Variants in SUMF1 observed in about 807,000 individuals in gnomAD.
The protein encoded by SUMF1 is sulfatase modifying factor 1.
Under a neutral mutation model 47.6 loss-of-function variants are expected in SUMF1, and 48 were observed. The observed-to-expected ratio is 1.01, with a 90% CI of 0.80 to 1.28. SUMF1 has a LOEUF of 1.28. Among genes scored for constraint, SUMF1 ranks in the 50% most tolerant of loss-of-function variants. SUMF1 has a pLI of 0.00. For missense variants in SUMF1, 571 were observed against 485.4 expected, an observed-to-expected ratio of 1.18 and a Z score of -1.66; for synonymous variants, 230 against 192.1, an observed-to-expected ratio of 1.20 and a Z score of -1.63.
At chr3:4,381,653 C>A (rs917919130) in intron 7 of SUMF1, among the ~76,000 whole-genome samples, 18 of 152,252 alleles carry the variant, frequency 1.2e-4, no homozygotes, top group Non-Finnish European at 5.9e-5. Context: ...CTTCCTCACA[C>A]AAACTATGCC....
chr3:4,089,208 G>T (rs1026723154), intron 8 of SUMF1, among the ~76,000 whole-genome samples: 13 of 152,082 alleles, frequency 8.5e-5, no homozygotes, highest in African/African-American at 2.7e-4. Flanking sequence ...CATGGTGTTT[G>T]CATAGGGGTG....
chr3:4,290,328 T>C (rs990776909), intron 8 of SUMF1, among the ~76,000 whole-genome samples: 4 of 149,980 alleles, frequency 2.7e-5, no homozygotes, highest in Non-Finnish European at 5.9e-5. Flanking sequence ...TTTATCTGAA[T>C]TTTCTCATCA....
intron 1 of SUMF1, among the ~76,000 whole-genome samples, chr3:4,465,457 G>T (rs1296115854): frequency 6.6e-6 from 1 of 150,850 alleles, no homozygotes; most frequent in Non-Finnish European, 1.5e-5. Context: ...CCAGCCTGGT[G>T]ACAGAGCGAG....
At chr3:4,250,176 C>A (rs1279144071) in intron 8 of SUMF1, among the ~76,000 whole-genome samples, 1 of 144,526 alleles carries the variant, frequency 6.9e-6, no homozygotes, top group East Asian at 2.1e-4. Context: ...AGACAAGAAA[C>A]GGAGGGGGAA....
intron 8 of SUMF1, among the ~76,000 whole-genome samples, chr3:4,228,412 G>T (rs1428691800): frequency 6.6e-6 from 1 of 151,898 alleles, no homozygotes; most frequent in Non-Finnish European, 1.5e-5. Flanking sequence ...CACATCCTCT[G>T]GTAGCAGATG....
At chr3:4,317,464 C>CGAGGTCAGGAGA in intron 8 of SUMF1, 1 of 485,852 alleles carries the variant, frequency 2.1e-6, no homozygotes, top group East Asian at 3.6e-5. Flanking sequence ...GGGCAGATCA[C>CGAGGTCAGGAGA]TTGAGTCCAA....
intron 3 of SUMF1, among the ~76,000 whole-genome samples, chr3:4,424,539 A>G (rs1559291482): frequency 6.6e-6 from 1 of 152,206 alleles, no homozygotes; most frequent in Non-Finnish European, 1.5e-5. Context: ...TAAGACCTGA[A>G]GCAAGTATGC....
intron 1 of SUMF1, among the ~76,000 whole-genome samples, chr3:4,464,412 T>C: frequency 6.6e-6 from 1 of 150,622 alleles, no homozygotes; most frequent in East Asian, 2.0e-4. Context: ...CTGTGTGTGT[T>C]TGTGTGTGTG....
At chr3:4,465,776 G>A (rs568958486) in intron 1 of SUMF1, among the ~76,000 whole-genome samples, 2 of 152,300 alleles carry the variant, frequency 1.3e-5, no homozygotes, top group South Asian at 4.1e-4. Flanking sequence ...GTCCAGTTGG[G>A]GAGAGACATC....
intron 8 of SUMF1, among the ~76,000 whole-genome samples, chr3:4,096,215 G>C (rs1369206623): frequency 6.6e-6 from 1 of 152,098 alleles, no homozygotes; most frequent in African/African-American, 2.4e-5. Context: ...ACAGAAAGCT[G>C]AGCATCACCA....
intron 8 of SUMF1, among the ~76,000 whole-genome samples, chr3:4,344,608 C>T (rs1005683099): frequency 3.3e-5 from 5 of 152,210 alleles, no homozygotes; most frequent in Admixed American, 2.0e-4. Flanking sequence ...ATCCAAAAGG[C>T]CAGAGTGCTT....
At chr3:4,343,774 T>C (rs1699318600) in intron 8 of SUMF1, among the ~76,000 whole-genome samples, 1 of 152,226 alleles carries the variant, frequency 6.6e-6, no homozygotes, top group African/African-American at 2.4e-5. Flanking sequence ...AATAACCATA[T>C]GTTTTGATGC....
intron 7 of SUMF1, among the ~76,000 whole-genome samples, chr3:4,396,940 A>G (rs1701057867): frequency 6.6e-6 from 1 of 152,226 alleles, no homozygotes; most frequent in East Asian, 1.9e-4. Flanking sequence ...CAGTCAACCT[A>G]AACACAGAAG....
At chr3:4,416,988 T>G in intron 6 of SUMF1, 140 bp downstream of exon 6, 1 of 773,752 alleles carries the variant, frequency 1.3e-6, no homozygotes, top group Non-Finnish European at 2.3e-6. Flanking sequence ...ATTATTAGTA[T>G]TTGCTACGTG....
At chr3:4,232,524 G>A (rs1262849774) in intron 8 of SUMF1, among the ~76,000 whole-genome samples, 1 of 151,962 alleles carries the variant, frequency 6.6e-6, no homozygotes, top group East Asian at 1.9e-4. Flanking sequence ...AATACTACAT[G>A]AAACAGTGGA....
chr3:4,369,209 C>T (rs1262287041), intron 8 of SUMF1, among the ~76,000 whole-genome samples: 1 of 151,992 alleles, frequency 6.6e-6, no homozygotes, highest in Non-Finnish European at 1.5e-5. Flanking sequence ...ATGATAGCAA[C>T]CAATTTTCTC....
Position 4,195,001 on chromosome 3 carries a change from A to G in SUMF1, c.1015-126256T>C, listed in dbSNP as rs560591029. Among the ~76,000 whole-genome samples the G allele has an allele frequency of 4.6e-5, 7 of 152,290 alleles. No homozygotes were observed. The East Asian group carries it at 1.4e-3, about 29-fold the overall frequency. On this transcript the variant is annotated intron_variant and NMD_transcript_variant, in intron 8 of 12. Coordinates refer to the SUMF1 transcript ENST00000448413. ...TTAGGTTTTGAAGTCACTTATTTAA[A>G]GTAAAGCAATTAGGTCACAGAGCCC...
chr3:4,230,534 A>G (rs1393634872), intron 8 of SUMF1, among the ~76,000 whole-genome samples: 2 of 152,136 alleles, frequency 1.3e-5, no homozygotes, highest in African/African-American at 4.8e-5. Context: ...AAAGGAGGAG[A>G]CAGGTGTGTG....
At chr3:4,321,482 A>AG (rs1437184795) in intron 8 of SUMF1, among the ~76,000 whole-genome samples, 8 of 150,320 alleles carry the variant, frequency 5.3e-5, no homozygotes, top group Admixed American at 4.0e-4. Flanking sequence ...AAAAAAAAAA[A>AG]AAAAAAAAAA....
Sources: gnomAD v4.1 joint callset for allele counts (sites outside exome capture counted in the v4.1 genomes callset) on GRCh38, gnomAD v4.1.1 for gene constraint, MANE v1.5 for transcripts, NCBI Gene and HGNC (gene_info 2026-07-23, HGNC 2026-07-21) for gene names.